BCLAF1: variants seen among roughly 807,000 people sequenced by gnomAD.
The protein encoded by BCLAF1 is bcl-2-associated transcription factor 1.
In BCLAF1, 10 loss-of-function variants were observed where a neutral mutation model predicts 99.5. The ratio of observed to expected loss-of-function variants is 0.10; its 90% CI spans 0.06 to 0.17. The LOEUF (loss-of-function observed/expected upper bound fraction) is 0.17, where lower values mean the gene tolerates loss of function less well. Among genes scored for constraint, BCLAF1 ranks in the 10% least tolerant of loss-of-function variants. BCLAF1 has a pLI of 1.00. For synonymous variants in BCLAF1, 255 were observed against 370.9 expected (o/e 0.69, Z 3.59); for missense variants, 636 against 1,105.8 (o/e 0.58, Z 6.02).
At position 136,257,524 on chromosome 6, in the gene BCLAF1, T is replaced by C. The variant is rs1030098445; in HGVS notation, c.*3586A>G. The C allele has an allele frequency of 8.5e-5, 13 of 152,186 alleles. No homozygotes were observed. The highest frequency in any genetic ancestry group is 1.5e-4 in the Non-Finnish European group (10 of 68,010). 9.4% of individuals were successfully genotyped at this position (152,186 alleles called of 1,614,324 possible). A position where few individuals can be genotyped will look rare whatever the true frequency, so the allele number is the denominator to read the frequency against. Reference sequence around the variant, plus strand: ...ATTAAATACAACTAGATTCCATATATTCCTGAATCCTAAGAAATGTAAAAC... The same window carrying C: ...ATTAAATACAACTAGATTCCATATACTCCTGAATCCTAAGAAATGTAAAAC... On this transcript the variant is annotated 3_prime_UTR_variant, in exon 13 of 13. Transcript: ENST00000531224.
chr6:136,260,585 C>T lies in BCLAF1; in HGVS notation c.*525G>A, dbSNP rs1018263938. 1.9e-5 allele frequency: 3 copies of T among 153,974 alleles called. No homozygotes were observed. The highest frequency in any genetic ancestry group is 7.2e-5 in the African/African-American group (3 of 41,488). The allele number at this position is 153,974 out of a possible 1,614,324, so 9.5% of individuals were successfully genotyped here. ...AGCATTTGCTCAAGTGTTAAACTAG[C>T]TTAGTTTACCATAGTAACAACTTTT... On this transcript the variant is annotated 3_prime_UTR_variant, in exon 13 of 13. Coordinates refer to ENST00000531224, the MANE Select transcript of BCLAF1 (RefSeq NM_014739.3).
intron 1 of BCLAF1, among the ~76,000 whole-genome samples, chr6:136,285,350 C>A (rs1784991079): frequency 6.6e-6 from 1 of 152,102 alleles, no homozygotes. Context: ...CCCTTAAATT[C>A]TAGGTTTTAG....
At chr6:136,265,538 ATT>A (rs988686516) in intron 11 of BCLAF1, among the ~76,000 whole-genome samples, 1 of 152,010 alleles carries the variant, frequency 6.6e-6, no homozygotes, top group Non-Finnish European at 1.5e-5. Context: ...TTAAAACTCT[ATT>A]TTCTTAAAAG....
In BCLAF1 at chr6:136,278,286, TAGACTC is replaced by T; in HGVS notation, c.589_594del (p.Glu197_Ser198del). Reference sequence around the variant, plus strand: ...GCTGATGACTTATTAAATTCATCGATAGACTCAGATGGGTCATGTTCAAATGTATCT... The same window carrying T: ...GCTGATGACTTATTAAATTCATCGATAGATGGGTCATGTTCAAATGTATCT... On this transcript the variant is annotated inframe_deletion, in exon 4 of 13. Coordinates refer to ENST00000531224, the MANE Select transcript of BCLAF1 (RefSeq NM_014739.3). The T allele has an allele frequency of 6.2e-7, 1 of 1,614,170 alleles. No individual in the cohort carries two copies. Among genetic ancestry groups the T allele is most frequent in the Non-Finnish European group, 8.5e-7 (1 of 1,180,008 alleles).
chr6:136,265,590 C>A (rs1182013799), intron 11 of BCLAF1, among the ~76,000 whole-genome samples: 2 of 152,114 alleles, frequency 1.3e-5, no homozygotes, highest in African/African-American at 4.8e-5. Context: ...ACTCAATTTT[C>A]CCACACTTAT....
chr6:136,257,485 T>C lies in BCLAF1; in HGVS notation c.*3625A>G, dbSNP rs1166808949. On this transcript the variant is annotated 3_prime_UTR_variant, in exon 13 of 13. Transcript: ENST00000531224. The stretch of plus-strand genomic sequence containing the variant: ...AGCTCATAAATCAACACAATCTCTG[T>C]GGCTCTCAAGTCAATTAAATACAAC... The C allele has an allele frequency of 6.6e-6, 1 of 152,206 alleles. No individual in the cohort carries two copies. The highest frequency in any genetic ancestry group is 1.5e-5 in the Non-Finnish European group (1 of 68,012). 9.4% of individuals were successfully genotyped at this position (152,206 alleles called of 1,614,324 possible).
intron 4 of BCLAF1, among the ~76,000 whole-genome samples, chr6:136,277,279 C>A (rs1783566089): frequency 6.6e-6 from 1 of 152,196 alleles, no homozygotes; most frequent in African/African-American, 2.4e-5. Flanking sequence ...TAAATATTGA[C>A]AGCCAGACTG....
chr6:136,272,987 T>C (rs1317983111), intron 7 of BCLAF1, 95 bp downstream of exon 7: 2 of 780,838 alleles, frequency 2.6e-6, no homozygotes, highest in Non-Finnish European at 4.2e-6. Context: ...AATACTTGTA[T>C]CAATGACAAA....
chr6:136,283,495 G>A (rs1235432896), intron 1 of BCLAF1, among the ~76,000 whole-genome samples: 1 of 152,082 alleles, frequency 6.6e-6, no homozygotes, highest in Non-Finnish European at 1.5e-5. Context: ...AATAAACTTT[G>A]CACAAAATAT....
chr6:136,277,743 A>T, intron 4 of BCLAF1, 122 bp downstream of exon 4: 2 of 1,142,376 alleles, frequency 1.8e-6, no homozygotes, highest in Non-Finnish European at 2.3e-6. Flanking sequence ...TCTTAAAATG[A>T]AGGAAGTCAA....
At position 136,275,644 on chromosome 6, in the gene BCLAF1, C is replaced by T. The variant is rs1190405958; in HGVS notation, c.1740G>A (p.Lys580=). Residue 580 remains lysine, a synonymous_variant, in exon 6 of 13, where the codon AAG becomes AAA. Transcript: ENST00000531224. ...LLASTLVHSV[K]KEQEFRSIFD... is the part of the protein sequence containing the mutation. Reference sequence around the variant, plus strand: ...AGATGGATCGGAATTCTTGCTCCTTCTTGACAGAATGGACAAGTGTACTAG... The same window carrying T: ...AGATGGATCGGAATTCTTGCTCCTTTTTGACAGAATGGACAAGTGTACTAG... The T allele has an allele frequency of 1.3e-6, 2 of 1,597,894 alleles. No individual in the cohort carries two copies. The highest frequency in any genetic ancestry group is 8.5e-7 in the Non-Finnish European group (1 of 1,173,406).
intron 3 of BCLAF1, 91 bp from the exon 4 acceptor site, chr6:136,278,867 C>T (rs1023217546): frequency 2.4e-6 from 3 of 1,228,310 alleles, no homozygotes; most frequent in East Asian, 2.6e-5. Flanking sequence ...TGTAAATAAA[C>T]AGTAAAGGCA....
chr6:136,287,372 T>C (rs1489268921), intron 1 of BCLAF1, among the ~76,000 whole-genome samples: 2 of 152,180 alleles, frequency 1.3e-5, no homozygotes, highest in Non-Finnish European at 2.9e-5. Context: ...AAATATAATC[T>C]AGTATTATCT....
intron 1 of BCLAF1, among the ~76,000 whole-genome samples, chr6:136,285,102 T>C (rs1304928264): frequency 6.6e-6 from 1 of 152,026 alleles, no homozygotes; most frequent in Admixed American, 6.6e-5. Context: ...CCAGATGAAA[T>C]AGCATCTAGT....
At chr6:136,262,651 T>C (rs1409103675) in intron 11 of BCLAF1, among the ~76,000 whole-genome samples, 2 of 152,178 alleles carry the variant, frequency 1.3e-5, no homozygotes, top group East Asian at 1.9e-4. Flanking sequence ...GACTCTATAA[T>C]GAATGAATTT....
chr6:136,287,041 G>A (rs1041709963), intron 1 of BCLAF1, among the ~76,000 whole-genome samples: 3 of 152,030 alleles, frequency 2.0e-5, no homozygotes, highest in African/African-American at 7.3e-5. Flanking sequence ...TGGGGAGGCT[G>A]AAGCACAAGA....
chr6:136,268,947 G>C (rs1782129451), intron 9 of BCLAF1: 3 of 264,002 alleles, frequency 1.1e-5, no homozygotes, highest in African/African-American at 7.0e-5. Flanking sequence ...CATACCTGTG[G>C]TTAACTCTTA....
At chr6:136,263,310 T>C (rs1186644359) in intron 11 of BCLAF1, among the ~76,000 whole-genome samples, 4 of 152,120 alleles carry the variant, frequency 2.6e-5, no homozygotes, top group South Asian at 2.1e-4. Context: ...TTAGCAGAAA[T>C]AGAAAAGCCA....
At chr6:136,272,405 G>A (rs1397165203) in intron 7 of BCLAF1, among the ~76,000 whole-genome samples, 1 of 151,802 alleles carries the variant, frequency 6.6e-6, no homozygotes, top group African/African-American at 2.4e-5. Flanking sequence ...ACATGAATAG[G>A]ATTATTTGCT....
Sources: allele counts gnomAD v4.1 joint callset (sites outside exome capture counted in the v4.1 genomes callset), GRCh38; gene constraint gnomAD v4.1.1; transcripts MANE v1.5; gene names NCBI Gene and HGNC (gene_info 2026-07-23, HGNC 2026-07-21).